Variants in DRC9 observed in about 807,000 individuals in gnomAD.
DRC9 encodes dynein regulatory complex subunit 9.
the DRC9 span, among the ~76,000 whole-genome samples, chr3:197,896,634 A>C: frequency 2.6e-5 from 4 of 152,220 alleles, no homozygotes; most frequent in Non-Finnish European, 5.9e-5. Context: ...GAGGCTGGGA[A>C]GTCCCAAATG....
chr3:197,892,513 C>T, the DRC9 span: 6 of 1,313,368 alleles, frequency 4.6e-6, no homozygotes, highest in Non-Finnish European at 6.4e-6. Context: ...GGTGAGCACC[C>T]TGATTCCTTC....
the DRC9 span, among the ~76,000 whole-genome samples, chr3:197,945,927 G>T: frequency 6.6e-6 from 1 of 152,196 alleles, no homozygotes; most frequent in Non-Finnish European, 1.5e-5. Flanking sequence ...TGCACTCTGT[G>T]AGCCTCTTCT....
chr3:197,955,991 C>G, the DRC9 span: 2 of 548,784 alleles, frequency 3.6e-6, no homozygotes, highest in East Asian at 3.2e-5. Context: ...GTATCTTTGA[C>G]AGAGTCTTGC....
chr3:197,955,917 G>A, the DRC9 span: 4 of 712,618 alleles, frequency 5.6e-6, no homozygotes, highest in East Asian at 2.6e-5. Context: ...GGGGGTCAGA[G>A]AGACATGTGA....
At chr3:197,895,430 C>T in the DRC9 span, among the ~76,000 whole-genome samples, 4 of 152,162 alleles carry the variant, frequency 2.6e-5, no homozygotes, top group East Asian at 1.9e-4. Context: ...ACACCATGTC[C>T]GGCTACTTTC....
At chr3:197,912,691 A>G in the DRC9 span, 1 of 1,613,638 alleles carries the variant, frequency 6.2e-7, no homozygotes, top group Non-Finnish European at 8.5e-7. Context: ...CTCCTTTCTA[A>G]GGAACATTTC....
At chr3:197,942,268 G>A in the DRC9 span, among the ~76,000 whole-genome samples, 4 of 151,218 alleles carry the variant, frequency 2.6e-5, no homozygotes, top group East Asian at 5.8e-4. Context: ...TTAAGAACCC[G>A]GGCTGCTCGG....
chr3:197,953,305 G>C, the DRC9 span, among the ~76,000 whole-genome samples: 1 of 152,220 alleles, frequency 6.6e-6, no homozygotes, highest in South Asian at 2.1e-4. Flanking sequence ...GATGCCAGGA[G>C]ATAGAGGCTG....
the DRC9 span, among the ~76,000 whole-genome samples, chr3:197,904,910 C>T: frequency 1.3e-5 from 2 of 152,022 alleles, no homozygotes; most frequent in Non-Finnish European, 2.9e-5. Flanking sequence ...CTATTCGGCC[C>T]AGAATGAGAT....
the DRC9 span, among the ~76,000 whole-genome samples, chr3:197,947,920 T>TGCTTTACC: frequency 1.3e-5 from 2 of 149,680 alleles, no homozygotes; most frequent in Non-Finnish European, 3.0e-5. Flanking sequence ...GTTTCACTCC[T>TGCTTTACC]GCTTTACCTT....
the DRC9 span, among the ~76,000 whole-genome samples, chr3:197,941,900 T>C: frequency 6.6e-6 from 1 of 152,284 alleles, no homozygotes; most frequent in East Asian, 1.9e-4. Context: ...CTGTACTATT[T>C]GTTAGCCAGC....
the DRC9 span, among the ~76,000 whole-genome samples, chr3:197,917,351 T>G: frequency 6.6e-6 from 1 of 152,206 alleles, no homozygotes; most frequent in Non-Finnish European, 1.5e-5. Flanking sequence ...AACGGAATTC[T>G]TCAAGTTATT....
the DRC9 span, chr3:197,958,598 G>A: frequency 6.6e-6 from 1 of 152,188 alleles, no homozygotes; most frequent in Non-Finnish European, 1.5e-5. Context: ...TGGAGAAGTG[G>A]ATGGTATTCT....
chr3:197,925,475 T>A, the DRC9 span, among the ~76,000 whole-genome samples: 1 of 149,500 alleles, frequency 6.7e-6, no homozygotes, highest in Non-Finnish European at 1.5e-5. Flanking sequence ...TGTGGTGGGA[T>A]ACGAAGATGG....
chr3:197,944,683 C>T, the DRC9 span, among the ~76,000 whole-genome samples: 4 of 151,968 alleles, frequency 2.6e-5, no homozygotes, highest in East Asian at 3.9e-4. Context: ...CTCCTGACCT[C>T]GTGATCCGCC....
chr3:197,942,385 C>CAAAAAAAAA, the DRC9 span, among the ~76,000 whole-genome samples: 22 of 17,068 alleles, frequency 1.3e-3, 2 homozygotes, highest in African/African-American at 2.3e-3. Context: ...CTCCGTCTCA[C>CAAAAAAAAA]AAAAAAAAAA....
the DRC9 span, among the ~76,000 whole-genome samples, chr3:197,919,115 G>A: frequency 1.5e-4 from 23 of 152,276 alleles, no homozygotes; most frequent in Admixed American, 1.4e-3. Context: ...GCCAATGTAA[G>A]TGTTTATAAG....
At chr3:197,903,339 A>C in the DRC9 span, among the ~76,000 whole-genome samples, 5 of 152,306 alleles carry the variant, frequency 3.3e-5, no homozygotes, top group Admixed American at 1.3e-4. Flanking sequence ...CAAATGGATC[A>C]TATCAAGTTA....
the DRC9 span, chr3:197,950,854 G>C: frequency 7.7e-7 from 1 of 1,298,858 alleles, no homozygotes; most frequent in Non-Finnish European, 1.1e-6. Context: ...AAAGGAATTT[G>C]CTTTAGGGGC....
Sources: allele counts gnomAD v4.1 joint callset (sites outside exome capture counted in the v4.1 genomes callset), GRCh38; gene constraint gnomAD v4.1.1; transcripts MANE v1.5; gene names NCBI Gene and HGNC (gene_info 2026-07-23, HGNC 2026-07-21).